The following CSMD1 variants were observed in gnomAD, a reference collection of about 807,000 sequenced individuals.
CSMD1 encodes CUB and Sushi multiple domains 1.
CSMD1 carries 213 observed loss-of-function variants against 417.5 expected under a neutral mutation model. The ratio of observed to expected loss-of-function variants is 0.51; its 90% CI spans 0.46 to 0.57. The LOEUF (loss-of-function observed/expected upper bound fraction) is 0.57, where lower values mean the gene tolerates loss of function less well. CSMD1 is among the 20% of genes least tolerant of loss of function. The pLI, the probability that CSMD1 is intolerant of heterozygous loss-of-function variation, is 0.00. For missense variants in CSMD1, 6,923 were observed against 4,529.7 expected (o/e 1.53, Z -15.17); for synonymous variants, 2,862 against 1,736.8 (o/e 1.65, Z -16.11).
intron 2 of CSMD1, among the ~76,000 whole-genome samples, chr8:4,585,451 A>G (rs1041115057): frequency 4.6e-5 from 7 of 152,308 alleles, no homozygotes; most frequent in African/African-American, 1.7e-4. Context: ...TGGGCAAAAT[A>G]ATAAATAACA....
At chr8:3,313,563 T>A (rs1480134400) in intron 23 of CSMD1, among the ~76,000 whole-genome samples, 1 of 152,184 alleles carries the variant, frequency 6.6e-6, no homozygotes, top group Non-Finnish European at 1.5e-5. Flanking sequence ...CACAATAAGA[T>A]ACTATCTCAC....
At chr8:4,285,678 G>A (rs796657247) in intron 3 of CSMD1, among the ~76,000 whole-genome samples, 1 of 152,168 alleles carries the variant, frequency 6.6e-6, no homozygotes, top group Admixed American at 6.5e-5. Context: ...CAGTGGTGTA[G>A]GAAGAATGGA....
intron 5 of CSMD1, among the ~76,000 whole-genome samples, chr8:3,826,485 G>T (rs1319311984): frequency 6.6e-6 from 1 of 152,088 alleles, no homozygotes; most frequent in Non-Finnish European, 1.5e-5. Context: ...CTCCTAGGCA[G>T]GGGGACCATG....
At chr8:3,579,423 A>G (rs1325466871) in intron 9 of CSMD1, among the ~76,000 whole-genome samples, 1 of 152,246 alleles carries the variant, frequency 6.6e-6, no homozygotes, top group Non-Finnish European at 1.5e-5. Context: ...TAATCAAATT[A>G]CTTGAAAGAA....
At position 4,986,745 on chromosome 8, in the gene CSMD1, T is replaced by C. The variant is rs541067757; in HGVS notation, c.85+7587A>G. Among the ~76,000 whole-genome samples, 273 of 152,246 alleles carry C rather than the reference T, an allele frequency of 1.8e-3. 3 individuals carry two copies. Among genetic ancestry groups the C allele is most frequent in the African/African-American group, 6.3e-3 (260 of 41,552 alleles). On this transcript the variant is annotated intron_variant, in intron 1 of 69. Transcript: ENST00000635120. Reference sequence around the variant, plus strand: ...TTAAAAAAAAGAAGATTAGACAGCATTGAATGATGGATACCGATAATAGAG... The same window carrying C: ...TTAAAAAAAAGAAGATTAGACAGCACTGAATGATGGATACCGATAATAGAG...
At chr8:4,727,977 G>A (rs5889058) in intron 1 of CSMD1, among the ~76,000 whole-genome samples, 4 of 67,132 alleles carry the variant, frequency 6.0e-5, no homozygotes, top group Admixed American at 1.4e-4. Flanking sequence ...AAATATATAT[G>A]TATATATATA....
At chr8:4,087,497 C>G (rs770385038) in intron 3 of CSMD1, among the ~76,000 whole-genome samples, 1 of 152,172 alleles carries the variant, frequency 6.6e-6, no homozygotes, top group East Asian at 1.9e-4. Context: ...GTAATGAAAC[C>G]TATTATTTTT....
intron 37 of CSMD1, among the ~76,000 whole-genome samples, chr8:3,175,479 T>TC (rs1554451318): frequency 3.6e-5 from 1 of 27,686 alleles, no homozygotes; most frequent in African/African-American, 9.1e-5. Context: ...TCTTTTCCCT[T>TC]CCTTCCTGCC....
At chr8:4,941,600 T>C (rs1343650278) in intron 1 of CSMD1, among the ~76,000 whole-genome samples, 1 of 136,970 alleles carries the variant, frequency 7.3e-6, no homozygotes, top group African/African-American at 2.5e-5. Context: ...TTTTAATTTT[T>C]AATTTTTATT....
intron 1 of CSMD1, among the ~76,000 whole-genome samples, chr8:4,783,307 T>C (rs1050619453): frequency 4.6e-5 from 7 of 152,112 alleles, no homozygotes; most frequent in African/African-American, 1.4e-4. Context: ...GGTAAAACTG[T>C]CCTCCAGCCA....
At chr8:4,397,778 C>T (rs1408068776) in intron 3 of CSMD1, among the ~76,000 whole-genome samples, 2 of 152,064 alleles carry the variant, frequency 1.3e-5, no homozygotes, top group Non-Finnish European at 2.9e-5. Context: ...AACCTTAATA[C>T]TGACATGTAT....
intron 1 of CSMD1, among the ~76,000 whole-genome samples, chr8:4,880,408 G>A (rs1203681930): frequency 2.0e-5 from 3 of 152,060 alleles, no homozygotes; most frequent in South Asian, 2.1e-4. Context: ...AGGCATCAGA[G>A]TATCGTAGGA....
chr8:2,963,099 G>A (rs1585058649), intron 60 of CSMD1, 123 bp downstream of exon 60: 4 of 1,055,136 alleles, frequency 3.8e-6, no homozygotes, highest in Non-Finnish European at 5.5e-6. Flanking sequence ...GAGTTTTTGT[G>A]TATTTTAGGG....
rs1554468279 is a variant in CSMD1, at chr8:3,556,392, A to ATATATAT, written c.1344+18552_1344+18553insATATATA. Among the ~76,000 whole-genome samples, 90 of 120,428 alleles carry ATATATAT rather than the reference A, an allele frequency of 7.5e-4. 5 individuals are homozygous for ATATATAT. Among genetic ancestry groups the ATATATAT allele is most frequent in the East Asian group, 1.9e-3 (8 of 4,134 alleles). 79.0% of individuals were successfully genotyped at this position (120,428 alleles called of 152,430 possible). ...AAGATTTTTAAAATTTATAATAATTAATATATATATATATATATATATTCA... is the reference window on the plus strand; with the variant it reads ...AAGATTTTTAAAATTTATAATAATTATATATATATATATATATATATATATATATTCA... On this transcript the variant is annotated intron_variant, in intron 10 of 69. Transcript: ENST00000635120.
At chr8:3,922,846 C>T (rs915819821) in intron 5 of CSMD1, among the ~76,000 whole-genome samples, 2 of 151,978 alleles carry the variant, frequency 1.3e-5, no homozygotes, top group Non-Finnish European at 2.9e-5. Context: ...ACAACATGGC[C>T]TTCAGATATT....
At chr8:4,403,895 C>T (rs1046501065) in intron 3 of CSMD1, among the ~76,000 whole-genome samples, 1 of 152,180 alleles carries the variant, frequency 6.6e-6, no homozygotes, top group African/African-American at 2.4e-5. Context: ...ATTCTCACAT[C>T]CCCTACCCAC....
At chr8:4,865,741 A>T (rs1237250357) in intron 1 of CSMD1, among the ~76,000 whole-genome samples, 1 of 151,916 alleles carries the variant, frequency 6.6e-6, no homozygotes, top group African/African-American at 2.4e-5. Context: ...ACTTAATATA[A>T]GAGAGAAAAG....
intron 1 of CSMD1, among the ~76,000 whole-genome samples, chr8:4,906,085 G>T (rs1805254131): frequency 6.6e-6 from 1 of 152,218 alleles, no homozygotes; most frequent in Admixed American, 6.5e-5. Context: ...CTCTGGAGCT[G>T]ACCAATAATC....
chr8:4,255,176 G>C (rs957418211), intron 3 of CSMD1, among the ~76,000 whole-genome samples: 1 of 152,158 alleles, frequency 6.6e-6, no homozygotes, highest in Non-Finnish European at 1.5e-5. Context: ...TCCCATGCTG[G>C]AAAGAGCATG....
Sources: gnomAD v4.1 joint callset for allele counts (sites outside exome capture counted in the v4.1 genomes callset) on GRCh38, gnomAD v4.1.1 for gene constraint, MANE v1.5 for transcripts, NCBI Gene and HGNC (gene_info 2026-07-23, HGNC 2026-07-21) for gene names.